Variants in PPP1R9A observed in about 807,000 individuals in gnomAD.
The protein encoded by PPP1R9A is neurabin-1.
Under a neutral mutation model 141.9 loss-of-function variants are expected in PPP1R9A, and 59 were observed. The observed-to-expected ratio is 0.42, with a 90% CI of 0.34 to 0.52. The LOEUF (loss-of-function observed/expected upper bound fraction) is 0.52. Among genes scored for constraint, PPP1R9A ranks in the 20% least tolerant of loss-of-function variants. PPP1R9A has a pLI of 0.10. For missense variants in PPP1R9A, 1,444 were observed against 1,611.9 expected (o/e 0.90, Z 1.78); for synonymous variants, 500 against 569.7 (o/e 0.88, Z 1.74).
intron 2 of PPP1R9A, among the ~76,000 whole-genome samples, chr7:94,935,700 A>C (rs1527675): frequency 7.9e-5 from 12 of 152,172 alleles, no homozygotes; most frequent in Admixed American, 4.6e-4. Flanking sequence ...GAAATCTGAA[A>C]ATTTTATAAT....
chr7:95,051,411 G>GTT (rs1172055547), intron 2 of PPP1R9A, among the ~76,000 whole-genome samples: 2 of 152,136 alleles, frequency 1.3e-5, no homozygotes, highest in Non-Finnish European at 2.9e-5. Context: ...GTTAGGTAGT[G>GTT]TTGGTCCTCC....
chr7:95,163,494 A>T (rs1450634009), intron 5 of PPP1R9A, among the ~76,000 whole-genome samples: 1 of 152,178 alleles, frequency 6.6e-6, no homozygotes, highest in Non-Finnish European at 1.5e-5. Flanking sequence ...TGCAACCAGA[A>T]GTGTTTCCGA....
At position 94,938,318 on chromosome 7, in the gene PPP1R9A, T is replaced by C. The variant is rs796953586; in HGVS notation, c.1395+26810T>C. ...TTTTTTGTGGAAAAATTGTCTTCCA[T>C]GAAACCGGTCCCTTATGCCAAAAAG... On this transcript the variant is annotated intron_variant, in intron 2 of 19. Transcript: ENST00000433360. Among the ~76,000 whole-genome samples, 163 of 152,290 alleles carry C rather than the reference T, an allele frequency of 1.1e-3. 1 individual carries two copies. Among genetic ancestry groups the C allele is most frequent in the African/African-American group, 3.8e-3 (157 of 41,560 alleles).
At chr7:95,000,167 G>A (rs1291680050) in intron 2 of PPP1R9A, among the ~76,000 whole-genome samples, 1 of 151,984 alleles carries the variant, frequency 6.6e-6, no homozygotes, top group South Asian at 2.1e-4. Flanking sequence ...TAAGTAGTGC[G>A]GCAAAATTTT....
chr7:95,227,395 A>G (rs1165192565), intron 8 of PPP1R9A, among the ~76,000 whole-genome samples: 1 of 152,200 alleles, frequency 6.6e-6, no homozygotes, highest in East Asian at 1.9e-4. Flanking sequence ...CAGATAATAT[A>G]TGGAAAGTTA....
intron 3 of PPP1R9A, among the ~76,000 whole-genome samples, chr7:95,115,774 C>A (rs922162948): frequency 6.6e-6 from 1 of 151,240 alleles, no homozygotes; most frequent in Non-Finnish European, 1.5e-5. Flanking sequence ...AAAATTAGCC[C>A]GGCGTGGTGG....
intron 16 of PPP1R9A, among the ~76,000 whole-genome samples, chr7:95,279,191 C>T (rs1366785739): frequency 2.0e-5 from 3 of 152,130 alleles, no homozygotes; most frequent in Non-Finnish European, 2.9e-5. Context: ...GGCTATTTCT[C>T]TCAAAGAGGC....
intron 2 of PPP1R9A, among the ~76,000 whole-genome samples, chr7:94,969,725 G>A (rs559592575): frequency 6.6e-6 from 1 of 152,310 alleles, no homozygotes; most frequent in African/African-American, 2.4e-5. Flanking sequence ...GAGTGTTTAA[G>A]TCTGCTGAAG....
intron 2 of PPP1R9A, among the ~76,000 whole-genome samples, chr7:95,058,600 A>C (rs1020817325): frequency 6.6e-6 from 1 of 152,186 alleles, no homozygotes; most frequent in Non-Finnish European, 1.5e-5. Context: ...TGTCATGACT[A>C]TCAGGCCAAA....
chr7:95,180,269 T>G lies in PPP1R9A; in HGVS notation c.1755-18080T>G, dbSNP rs571051230. 5.2e-3 allele frequency among the ~76,000 whole-genome samples: 795 copies of G among 152,092 alleles called. 3 individuals carry two copies. Among genetic ancestry groups the G allele is most frequent in the Admixed American group, 0.025 (381 of 15,266 alleles). On this transcript the variant is annotated intron_variant, in intron 5 of 19. Coordinates refer to ENST00000433360, the MANE Select transcript of PPP1R9A (RefSeq NM_001166160.2). ...CGACAAAGCAAACAAAACCATAAAA[T>G]GGGGAATGGACACCCTTTTTAACAA...
intron 2 of PPP1R9A, among the ~76,000 whole-genome samples, chr7:94,985,658 T>C (rs1368380037): frequency 1.3e-5 from 2 of 151,848 alleles, no homozygotes; most frequent in Non-Finnish European, 2.9e-5. Flanking sequence ...CTGCTTTTAT[T>C]TTTTTTTGCT....
At chr7:95,091,458 C>T (rs997067207) in intron 2 of PPP1R9A, among the ~76,000 whole-genome samples, 1 of 150,624 alleles carries the variant, frequency 6.6e-6, no homozygotes, top group African/African-American at 2.5e-5. Context: ...ATTCCTCTGC[C>T]TCAGTCTCCC....
intron 10 of PPP1R9A, among the ~76,000 whole-genome samples, chr7:95,251,244 A>G (rs1303370291): frequency 1.3e-5 from 2 of 152,156 alleles, no homozygotes; most frequent in Non-Finnish European, 2.9e-5. Context: ...GGTTTTCAAA[A>G]TGGAACTGTT....
chr7:95,273,752 C>G, intron 14 of PPP1R9A, 147 bp from the exon 15 acceptor site: 3 of 767,484 alleles, frequency 3.9e-6, no homozygotes, highest in Non-Finnish European at 4.1e-6. Flanking sequence ...GTAACTGTGT[C>G]TCCTAGGTCG....
At chr7:95,103,284 G>A (rs1168767766) in intron 2 of PPP1R9A, among the ~76,000 whole-genome samples, 1 of 150,998 alleles carries the variant, frequency 6.6e-6, no homozygotes, top group African/African-American at 2.4e-5. Flanking sequence ...GACAAACGTA[G>A]GCTTCCTTGT....
intron 2 of PPP1R9A, among the ~76,000 whole-genome samples, chr7:94,980,182 TAA>T (rs71292968): frequency 9.4e-4 from 119 of 126,120 alleles, no homozygotes; most frequent in African/African-American, 2.6e-3. Flanking sequence ...GCTGATGAGC[TAA>T]AAAAAAAAAA....
intron 2 of PPP1R9A, among the ~76,000 whole-genome samples, chr7:95,106,074 G>A (rs935609987): frequency 2.0e-5 from 3 of 152,088 alleles, no homozygotes; most frequent in African/African-American, 7.2e-5. Flanking sequence ...GTGCAATATG[G>A]TGAGACCCCA....
intron 2 of PPP1R9A, among the ~76,000 whole-genome samples, chr7:95,006,317 A>G (rs1350136332): frequency 6.6e-6 from 1 of 151,974 alleles, no homozygotes; most frequent in African/African-American, 2.4e-5. Context: ...TCCCAGGTTC[A>G]AGTGATTCTC....
At chr7:95,086,264 A>G (rs1326379542) in intron 2 of PPP1R9A, among the ~76,000 whole-genome samples, 1 of 151,998 alleles carries the variant, frequency 6.6e-6, no homozygotes, top group Non-Finnish European at 1.5e-5. Context: ...ACAACAAAAC[A>G]TTAGGGAATT....
Sources: gnomAD v4.1 joint callset for allele counts (sites outside exome capture counted in the v4.1 genomes callset) on GRCh38, gnomAD v4.1.1 for gene constraint, MANE v1.5 for transcripts, NCBI Gene and HGNC (gene_info 2026-07-23, HGNC 2026-07-21) for gene names.